The following SPAG16 variants were observed in gnomAD, a reference collection of about 807,000 sequenced individuals.
SPAG16 encodes sperm-associated antigen 16 protein.
SPAG16 carries 86 observed loss-of-function variants against 80.4 expected under a neutral mutation model. The observed-to-expected ratio is 1.07, with a 90% confidence interval of 0.90 to 1.28. The LOEUF is 1.28. Among genes scored for constraint, SPAG16 ranks in the 50% most tolerant of loss-of-function variants. The pLI is 0.00. For synonymous variants in SPAG16, 294 were observed against 265.9 expected (o/e 1.11, Z -1.03); for missense variants, 870 against 765.3 (o/e 1.14, Z -1.61).
intron 9 of SPAG16, among the ~76,000 whole-genome samples, chr2:213,391,258 A>G (rs930743704): frequency 1.3e-5 from 2 of 152,002 alleles, no homozygotes; most frequent in Admixed American, 6.6e-5. Context: ...ATGGAGCGAG[A>G]CTCCGTTTCA....
chr2:214,108,751 A>G (rs2125406622), intron 14 of SPAG16, among the ~76,000 whole-genome samples: 1 of 152,322 alleles, frequency 6.6e-6, no homozygotes, highest in Middle Eastern at 3.4e-3. Flanking sequence ...CAGCTTTTTA[A>G]TTACTCATGG....
intron 15 of SPAG16, among the ~76,000 whole-genome samples, chr2:214,210,060 A>G (rs2058250033): frequency 6.6e-6 from 1 of 152,040 alleles, no homozygotes; most frequent in Admixed American, 6.6e-5. Context: ...ATTTTTCTTA[A>G]TCTGCTTGAT....
intron 15 of SPAG16, among the ~76,000 whole-genome samples, chr2:214,407,223 T>C (rs566594464): frequency 1.2e-4 from 19 of 152,202 alleles, no homozygotes; most frequent in South Asian, 2.1e-4. Context: ...TTTTATGGAA[T>C]GTGTGTATTC....
chr2:213,611,136 TG>T (rs2061428155), intron 10 of SPAG16, among the ~76,000 whole-genome samples: 1 of 152,166 alleles, frequency 6.6e-6, no homozygotes, highest in African/African-American at 2.4e-5. Flanking sequence ...CACTAGGGGT[TG>T]GGGGTAGTCA....
chr2:214,341,507 G>A (rs7569570), intron 15 of SPAG16, among the ~76,000 whole-genome samples: 29 of 152,254 alleles, frequency 1.9e-4, no homozygotes, highest in African/African-American at 6.7e-4. Context: ...ACTTGTAAAT[G>A]AGAACATTCT....
chr2:214,080,381 A>G (rs71428318), intron 13 of SPAG16, among the ~76,000 whole-genome samples: 113 of 151,762 alleles, frequency 7.4e-4, no homozygotes, highest in Non-Finnish European at 1.3e-3. Flanking sequence ...GGCGGATCAC[A>G]AGGTCAGGAG....
intron 10 of SPAG16, among the ~76,000 whole-genome samples, chr2:213,679,145 TA>T (rs1317434667): frequency 6.6e-6 from 1 of 152,200 alleles, no homozygotes; most frequent in Non-Finnish European, 1.5e-5. Context: ...AACCTAATTC[TA>T]AATATAAATT....
At chr2:213,426,836 T>TACACACAC (rs199604984) in intron 9 of SPAG16, among the ~76,000 whole-genome samples, 3,680 of 125,718 alleles carry the variant, frequency 0.029, 57 homozygotes, top group East Asian at 0.048. Context: ...TTCTGATACA[T>TACACACAC]ACACACACAC....
intron 13 of SPAG16, among the ~76,000 whole-genome samples, chr2:214,026,933 G>C (rs1471537050): frequency 6.6e-6 from 1 of 151,376 alleles, no homozygotes; most frequent in Non-Finnish European, 1.5e-5. Flanking sequence ...TCCCCATTTT[G>C]ACTTGCTGAT....
At chr2:213,341,413 A>T (rs1681962853) in intron 6 of SPAG16, among the ~76,000 whole-genome samples, 1 of 152,192 alleles carries the variant, frequency 6.6e-6, no homozygotes, top group South Asian at 2.1e-4. Flanking sequence ...CATTTTACCC[A>T]AATACATTAA....
At chr2:213,745,248 T>C (rs527608882) in intron 10 of SPAG16, among the ~76,000 whole-genome samples, 7 of 152,308 alleles carry the variant, frequency 4.6e-5, no homozygotes, top group African/African-American at 1.7e-4. Context: ...AGCTATTTAT[T>C]TTTTTTCTTT....
At chr2:214,362,974 C>T (rs555010722) in intron 15 of SPAG16, among the ~76,000 whole-genome samples, 29 of 151,898 alleles carry the variant, frequency 1.9e-4, no homozygotes, top group Non-Finnish European at 3.7e-4. Context: ...ATTTGTCTTC[C>T]TTCAATGTTC....
chr2:214,067,173 G>A (rs1294299262), intron 13 of SPAG16, among the ~76,000 whole-genome samples: 3 of 152,158 alleles, frequency 2.0e-5, no homozygotes, highest in Non-Finnish European at 4.4e-5. Context: ...GGGAGGGAGA[G>A]CAATAAGACC....
intron 10 of SPAG16, among the ~76,000 whole-genome samples, chr2:213,580,709 A>G (rs138126828): frequency 3.0e-4 from 46 of 152,258 alleles, no homozygotes; most frequent in Admixed American, 9.2e-4. Flanking sequence ...TCTCTTACTA[A>G]CAGTGAGATA....
chr2:214,162,930 C>T (rs2056502636), intron 15 of SPAG16, among the ~76,000 whole-genome samples: 1 of 151,984 alleles, frequency 6.6e-6, no homozygotes. Flanking sequence ...CTTGTTTAGG[C>T]AAAAAATGCA....
In SPAG16 at chr2:213,760,604, C is replaced by T. The variant is rs543940756; in HGVS notation, c.1071-101881C>T. On this transcript the variant is annotated intron_variant, in intron 10 of 15. Transcript: ENST00000331683. ...GCAACAACAGCGTACACATTCTTCT[C>T]AAGTGTACATGGTACATTTTCCAAA... Among the ~76,000 whole-genome samples the T allele has an allele frequency of 5.3e-5, 8 of 151,714 alleles. No homozygotes were observed. In the East Asian group the frequency reaches 1.5e-3, roughly 29 times the overall value.
In SPAG16 at chr2:213,342,283, ATG is replaced by A. The variant is rs2064726977; in HGVS notation, c.644+2015_644+2016del. Among the ~76,000 whole-genome samples, 2 of 148,732 alleles carry A rather than the reference ATG, an allele frequency of 1.3e-5. 1 individual carries two copies. The highest frequency in any genetic ancestry group is 1.4e-4 in the Admixed American group (2 of 14,802). On this transcript the variant is annotated intron_variant, in intron 6 of 15. Transcript: ENST00000331683. ...CAAAGTGTATATATATTACATACAT[ATG>A]TATATATATATGACATATGTGTATA...
intron 14 of SPAG16, among the ~76,000 whole-genome samples, chr2:214,123,868 A>T (rs2054345543): frequency 6.6e-6 from 1 of 152,068 alleles, no homozygotes; most frequent in African/African-American, 2.4e-5. Flanking sequence ...ACATAGAGTG[A>T]ACTAGGAATA....
At chr2:213,708,245 C>T (rs915553775) in intron 10 of SPAG16, among the ~76,000 whole-genome samples, 1 of 152,156 alleles carries the variant, frequency 6.6e-6, no homozygotes, top group Non-Finnish European at 1.5e-5. Context: ...ATTTTAAATG[C>T]TCCCATTAGG....
Sources: allele counts gnomAD v4.1 joint callset (sites outside exome capture counted in the v4.1 genomes callset), GRCh38; gene constraint gnomAD v4.1.1; transcripts MANE v1.5; gene names NCBI Gene and HGNC (gene_info 2026-07-23, HGNC 2026-07-21).